Variants in NFXL1 observed in about 807,000 individuals in gnomAD.
The protein encoded by NFXL1 is nuclear transcription factor, X-box binding like 1, also known as NF-X1-type zinc finger protein NFXL1.
A neutral mutation model predicts 123.3 loss-of-function variants in NFXL1; 66 were observed. That is an observed-to-expected ratio of 0.54 (90% CI 0.44 to 0.66). The LOEUF is 0.66. Among genes scored for constraint, NFXL1 ranks in the 30% least tolerant of loss-of-function variants. The probability of loss-of-function intolerance (pLI) is 0.00; values close to 1 mark genes in which losing one functional copy is unlikely to be tolerated. For missense variants in NFXL1, 944 were observed against 1,125.6 expected (o/e 0.84, Z 2.31); for synonymous variants, 346 against 360.8 (o/e 0.96, Z 0.46).
At chr4:47,859,732 C>G (rs1178895502) in intron 19 of NFXL1, among the ~76,000 whole-genome samples, 2 of 148,962 alleles carry the variant, frequency 1.3e-5, no homozygotes, top group Admixed American at 1.4e-4. Flanking sequence ...ATCTCAGCTA[C>G]TCAGGCAGCT....
chr4:47,903,624 G>A (rs754838815), intron 4 of NFXL1, among the ~76,000 whole-genome samples: 3 of 151,826 alleles, frequency 2.0e-5, no homozygotes, highest in Non-Finnish European at 4.4e-5. Context: ...TAAAAAATGA[G>A]GTCATACTAT....
At chr4:47,873,146 C>CCCATCTATAGG (rs1463680811) in intron 18 of NFXL1, among the ~76,000 whole-genome samples, 18 of 152,304 alleles carry the variant, frequency 1.2e-4, no homozygotes, top group African/African-American at 4.1e-4. Flanking sequence ...ACAATTCAGT[C>CCCATCTATAGG]CCATCTATAG....
At chr4:47,893,702 G>T (rs1445387880) in intron 11 of NFXL1, among the ~76,000 whole-genome samples, 1 of 134,814 alleles carries the variant, frequency 7.4e-6, no homozygotes, top group African/African-American at 2.7e-5. Flanking sequence ...CTTCAGAATA[G>T]AAAAAAAAAA....
chr4:47,874,744 A>C (rs11937912), intron 18 of NFXL1, among the ~76,000 whole-genome samples: 12 of 152,094 alleles, frequency 7.9e-5, no homozygotes, highest in Non-Finnish European at 1.0e-4. Context: ...GTATCTGCCA[A>C]GTACAATAAA....
At chr4:47,872,220 T>C (rs1195359327) in intron 18 of NFXL1, among the ~76,000 whole-genome samples, 1 of 152,126 alleles carries the variant, frequency 6.6e-6, no homozygotes, top group Admixed American at 6.5e-5. Flanking sequence ...TCCCAACACT[T>C]TGGGAGGCCA....
chr4:47,886,052 T>C, intron 12 of NFXL1, 53 bp from the exon 13 acceptor site: 1 of 1,553,906 alleles, frequency 6.4e-7, no homozygotes, highest in Non-Finnish European at 8.8e-7. Flanking sequence ...CAAATGCCTA[T>C]TAATGGTAAA....
chr4:47,861,131 G>T (rs770293258), intron 19 of NFXL1, among the ~76,000 whole-genome samples: 21 of 151,232 alleles, frequency 1.4e-4, no homozygotes, highest in Non-Finnish European at 2.7e-4. Context: ...AAAGTGCTGG[G>T]ATTACAGGCA....
intron 15 of NFXL1, 21 bp from the exon 16 acceptor site, chr4:47,879,138 A>G (rs1220170770): frequency 1.7e-6 from 2 of 1,183,038 alleles, no homozygotes; most frequent in Non-Finnish European, 2.3e-6. Flanking sequence ...AAAATAAAAT[A>G]AAATGAAAAC....
rs924917778 is a variant in NFXL1, at chr4:47,899,280, G to A, written c.826+90C>T. ...ATATTTTCTCATGGCAAACTAAACT[G>A]TGAATTCAACTTTTACAATTTTTTT... On this transcript the variant is annotated intron_variant, in intron 6 of 22. Coordinates refer to ENST00000507489, the MANE Select transcript of NFXL1 (RefSeq NM_001278624.2). 2.3e-6 allele frequency: 3 copies of A among 1,329,380 alleles called. No homozygotes were observed. The African/African-American group carries it at 4.5e-5, about 20-fold the overall frequency. The allele number at this position is 1,329,380 out of a possible 1,614,324, so 82.3% of individuals were successfully genotyped here.
intron 18 of NFXL1, among the ~76,000 whole-genome samples, chr4:47,863,253 C>T (rs141616602): frequency 0.012 from 1,824 of 152,222 alleles, 12 homozygotes; most frequent in Non-Finnish European, 0.02. Context: ...TTCATAATTA[C>T]AATTGTTAAT....
rs763017791 is a variant in NFXL1, at chr4:47,890,708, A to C, written c.1453-5T>G. ...TGGACAGTTTCCAGGGCAACACTGA[A>C]GAGAAAGCAATATATAAAGAACAGG... On this transcript the variant is annotated splice_region_variant and splice_polypyrimidine_tract_variant and intron_variant, in intron 11 of 22. Transcript: ENST00000507489. 1 of 1,559,892 alleles carries C rather than the reference A, an allele frequency of 6.4e-7. No individual in the cohort carries two copies. The highest frequency in any genetic ancestry group is 8.8e-7 in the Non-Finnish European group (1 of 1,131,358).
intron 15 of NFXL1, 40 bp downstream of exon 15, chr4:47,884,306 T>A: frequency 8.0e-7 from 1 of 1,250,328 alleles, no homozygotes. Context: ...ATGTCAAAAG[T>A]TTTTTGTTTT....
At chr4:47,901,998 A>G (rs1475717519) in intron 5 of NFXL1, among the ~76,000 whole-genome samples, 2 of 152,182 alleles carry the variant, frequency 1.3e-5, no homozygotes, top group Non-Finnish European at 2.9e-5. Flanking sequence ...CCTGGCCAAC[A>G]TGGTGAAACC....
In NFXL1 at chr4:47,863,010, AT is replaced by A; in HGVS notation, c.2247-96del. On this transcript the variant is annotated intron_variant, in intron 18 of 22. Transcript: ENST00000507489. ...TCATAATTTCAAACATATCCATAAA[AT>A]TATCTTTTTTCCTCAAGAAATACTT... 6 of 706,062 alleles carry A rather than the reference AT, an allele frequency of 8.5e-6. No homozygotes were observed. The South Asian group carries it at 1.0e-4, about 12-fold the overall frequency. The allele number at this position is 706,062 out of a possible 1,614,324, so 43.7% of individuals were successfully genotyped here. A position where few individuals can be genotyped will look rare whatever the true frequency, so the allele number is the denominator to read the frequency against.
At chr4:47,876,505 T>C (rs1313906903) in intron 17 of NFXL1, among the ~76,000 whole-genome samples, 6 of 151,978 alleles carry the variant, frequency 3.9e-5, no homozygotes, top group Non-Finnish European at 8.8e-5. Context: ...CAGAAGTGAG[T>C]AAGCAAGAGA....
At chr4:47,885,000 AC>A (rs979721169) in intron 14 of NFXL1, among the ~76,000 whole-genome samples, 5 of 151,608 alleles carry the variant, frequency 3.3e-5, no homozygotes, top group African/African-American at 1.2e-4. Flanking sequence ...GGTAGCAGGC[AC>A]CTATAATCCC....
chr4:47,877,123 A>C lies in NFXL1; in HGVS notation c.2079+1402T>G, dbSNP rs553540739. The C allele has an allele frequency of 1.8e-4, 117 of 641,762 alleles. 4 individuals carry two copies. Among genetic ancestry groups the C allele is most frequent in the South Asian group, 1.7e-3 (114 of 68,142 alleles). 39.8% of individuals were successfully genotyped at this position (641,762 alleles called of 1,614,324 possible). On this transcript the variant is annotated intron_variant, in intron 17 of 22. Coordinates refer to ENST00000507489, the MANE Select transcript of NFXL1 (RefSeq NM_001278624.2). ...GGCTGGGAGTTAAAAGATCAGGCAC[A>C]GTACTTTCTGATTTGCTACTCTCCT... is the stretch of plus-strand genomic sequence containing the variant.
chr4:47,912,166 C>A (rs1276194808), intron 2 of NFXL1, among the ~76,000 whole-genome samples: 1 of 152,076 alleles, frequency 6.6e-6, no homozygotes, highest in African/African-American at 2.4e-5. Flanking sequence ...GCTTACCTAG[C>A]AAGCTTTGAG....
chr4:47,867,679 C>T (rs1735184867), intron 18 of NFXL1, among the ~76,000 whole-genome samples: 3 of 151,774 alleles, frequency 2.0e-5, no homozygotes. Flanking sequence ...GAGAAAGAAA[C>T]AACTTTAGGG....
Sources: gnomAD v4.1 joint callset for allele counts (sites outside exome capture counted in the v4.1 genomes callset) on GRCh38, gnomAD v4.1.1 for gene constraint, MANE v1.5 for transcripts, NCBI Gene and HGNC (gene_info 2026-07-23, HGNC 2026-07-21) for gene names.